STS: variants seen among roughly 807,000 people sequenced by gnomAD.
STS encodes the protein steroid sulfatase.
STS carries 7 observed loss-of-function variants against 26.8 expected under a neutral mutation model. The ratio of observed to expected loss-of-function variants is 0.26; its 90% CI spans 0.15 to 0.49. The LOEUF (loss-of-function observed/expected upper bound fraction) is 0.49. Ranked by LOEUF, STS falls within the 20% of genes least tolerant of loss-of-function variation. The pLI is 0.98. For missense variants in STS, 434 were observed against 465.6 expected, an observed-to-expected ratio of 0.93 and a Z score of 0.63; for synonymous variants, 199 against 189.4, an observed-to-expected ratio of 1.05 and a Z score of -0.42.
chrX:7,336,879 T>C (rs1478839967), intron 10 of STS, among the ~76,000 whole-genome samples: 1 of 111,486 alleles, frequency 9.0e-6, no homozygotes, highest in Non-Finnish European at 1.9e-5. Flanking sequence ...GAACACATTA[T>C]GTGGAGGAGT....
intron 1 of STS, among the ~76,000 whole-genome samples, chrX:7,177,265 A>G (rs747669942): frequency 9.0e-6 from 1 of 110,630 alleles, no homozygotes; most frequent in Non-Finnish European, 1.9e-5. Flanking sequence ...CTTGATCAAA[A>G]TCTTTTGTGG....
chrX:7,236,310 A>AAACAGAGAT (rs1246055810), intron 2 of STS, among the ~76,000 whole-genome samples: 1 of 112,132 alleles, frequency 8.9e-6, no homozygotes, highest in Non-Finnish European at 1.9e-5. Context: ...ATTAGCTTTG[A>AAACAGAGAT]AACAGAGATG....
At chrX:7,315,872 C>G (rs1248890774) in intron 8 of STS, among the ~76,000 whole-genome samples, 1 of 111,554 alleles carries the variant, frequency 9.0e-6, no homozygotes, top group Admixed American at 9.5e-5. Context: ...AGCCCACTGA[C>G]TCAAATGTTA....
At chrX:7,154,986 G>C (rs1022660898) in intron 1 of STS, among the ~76,000 whole-genome samples, 1 of 112,013 alleles carries the variant, frequency 8.9e-6, no homozygotes, top group Admixed American at 9.5e-5. Context: ...CCCAACTCCT[G>C]TGCTGCTTGG....
At chrX:7,329,888 A>G (rs763950172) in intron 9 of STS, among the ~76,000 whole-genome samples, 90 of 111,963 alleles carry the variant, frequency 8.0e-4, no homozygotes, top group Admixed American at 3.3e-3. Flanking sequence ...GGAGGAACAC[A>G]GGAAAGATTG....
At chrX:7,193,852 T>G (rs926161439) in intron 2 of STS, among the ~76,000 whole-genome samples, 1 of 111,795 alleles carries the variant, frequency 8.9e-6, no homozygotes, top group African/African-American at 3.3e-5. Flanking sequence ...ATATTGTCTG[T>G]AGTTTTCCTG....
chrX:7,263,871 A>G (rs762420559), intron 6 of STS, among the ~76,000 whole-genome samples: 1 of 111,811 alleles, frequency 8.9e-6, no homozygotes, highest in South Asian at 3.7e-4. Context: ...TAATTTACAA[A>G]GAGATAAATT....
intron 7 of STS, among the ~76,000 whole-genome samples, chrX:7,284,951 G>A (rs1293780456): frequency 1.8e-5 from 2 of 111,039 alleles, no homozygotes; most frequent in Non-Finnish European, 3.8e-5. Context: ...TGATGCTGAT[G>A]ATGGTGATGA....
intron 6 of STS, among the ~76,000 whole-genome samples, chrX:7,260,122 G>A (rs905848412): frequency 3.7e-4 from 41 of 112,151 alleles, no homozygotes; most frequent in African/African-American, 1.2e-3. Context: ...TGATCCGCCC[G>A]CCTCGGCCTC....
At chrX:7,334,307 G>A (rs1927908942) in intron 10 of STS, among the ~76,000 whole-genome samples, 200 bp downstream of exon 10, 1 of 111,042 alleles carries the variant, frequency 9.0e-6, no homozygotes, top group South Asian at 3.9e-4. Context: ...CAGGTAGGAG[G>A]ACATCAGAAG....
At chrX:7,184,984 C>T (rs1303175011) in intron 1 of STS, among the ~76,000 whole-genome samples, 1 of 111,824 alleles carries the variant, frequency 8.9e-6, no homozygotes, top group Non-Finnish European at 1.9e-5. Flanking sequence ...CATCTGTGAC[C>T]TCTGGTTGCT....
chrX:7,205,576 ATTTGGT>A (rs1195487355), intron 2 of STS, among the ~76,000 whole-genome samples: 1 of 85,143 alleles, frequency 1.2e-5, no homozygotes, highest in African/African-American at 5.1e-5. Context: ...GTTGGAAATT[ATTTGGT>A]TTTCTTTTTC....
chrX:7,312,149 T>C (rs752621419), intron 8 of STS, among the ~76,000 whole-genome samples: 1 of 112,223 alleles, frequency 8.9e-6, no homozygotes, highest in African/African-American at 3.2e-5. Context: ...TGGCTTTTCC[T>C]GGGTCCCCCA....
intron 7 of STS, among the ~76,000 whole-genome samples, chrX:7,299,488 A>C (rs1427999886): frequency 9.4e-6 from 1 of 106,056 alleles, no homozygotes; most frequent in Non-Finnish European, 1.9e-5. Flanking sequence ...TGTGTGTGTT[A>C]TATATAATAT....
intron 2 of STS, among the ~76,000 whole-genome samples, chrX:7,231,503 TAGGGGGATGG>T (rs1410532812): frequency 9.0e-6 from 1 of 111,388 alleles, no homozygotes; most frequent in African/African-American, 3.3e-5. Context: ...GAGGTCAGGC[TAGGGGGATGG>T]AGGGAAAGTA....
intron 1 of STS, among the ~76,000 whole-genome samples, chrX:7,158,228 T>C (rs1933173936): frequency 8.9e-6 from 1 of 111,766 alleles, no homozygotes; most frequent in African/African-American, 3.3e-5. Context: ...CCCTGCCTGA[T>C]CTGCTCTAGA....
At position 7,161,122 on chromosome X, in the gene STS, A is replaced by AT. The variant is rs62693360; in HGVS notation, c.-134+13055dup. On this transcript the variant is annotated intron_variant, in intron 1 of 10. Coordinates refer to ENST00000674429, the MANE Select transcript of STS (RefSeq NM_001320752.2). Reference sequence around the variant, plus strand: ...AGGCATGTGCCACTATGCCTGGCTAATTTTTTTTTTTTTTTTGTATTTTTA... The same window carrying AT: ...AGGCATGTGCCACTATGCCTGGCTAATTTTTTTTTTTTTTTTTGTATTTTTA... 1.4e-3 allele frequency among the ~76,000 whole-genome samples: 133 copies of AT among 97,788 alleles called. 1 individual carries two copies. In the East Asian group the frequency reaches 0.025, roughly 18 times the overall value. 84.9% of individuals were successfully genotyped at this position (97,788 alleles called of 115,157 possible).
At chrX:7,324,449 G>C (rs1291693450) in intron 8 of STS, among the ~76,000 whole-genome samples, 3 of 111,833 alleles carry the variant, frequency 2.7e-5, no homozygotes, top group Non-Finnish European at 5.6e-5. Flanking sequence ...AAAAGAGAAG[G>C]AGATTGTCTA....
At chrX:7,332,800 G>A (rs1213553244) in intron 9 of STS, among the ~76,000 whole-genome samples, 1 of 111,615 alleles carries the variant, frequency 9.0e-6, no homozygotes, top group Non-Finnish European at 1.9e-5. Context: ...CTCTCTCTAC[G>A]GTGTTTCTTT....
Sources: gnomAD v4.1 joint callset for allele counts (sites outside exome capture counted in the v4.1 genomes callset) on GRCh38, gnomAD v4.1.1 for gene constraint, MANE v1.5 for transcripts, NCBI Gene and HGNC (gene_info 2026-07-23, HGNC 2026-07-21) for gene names.